The following SLC7A9 variants were observed in gnomAD, a reference collection of about 807,000 sequenced individuals.
SLC7A9 encodes solute carrier family 7 member 9.
SLC7A9 carries 38 observed loss-of-function variants against 54.1 expected under a neutral mutation model. The observed-to-expected ratio is 0.70, with a 90% confidence interval of 0.54 to 0.92. The LOEUF (loss-of-function observed/expected upper bound fraction) is 0.92, where lower values mean the gene tolerates loss of function less well. Among genes scored for constraint, SLC7A9 ranks in the 40% least tolerant of loss-of-function variants. SLC7A9 has a pLI of 0.00. For synonymous variants in SLC7A9, 264 were observed against 258.9 expected, an observed-to-expected ratio of 1.02 and a Z score of -0.19; for missense variants, 537 against 636.1, an observed-to-expected ratio of 0.84 and a Z score of 1.68.
intron 9 of SLC7A9, 81 bp from the exon 10 acceptor site, chr19:32,844,032 T>A: frequency 3.7e-6 from 4 of 1,085,564 alleles, no homozygotes; most frequent in Non-Finnish European, 5.6e-6. Context: ...TGCTCCGGGG[T>A]CCACCAAGGA....
In SLC7A9 at chr19:32,868,451, C is replaced by G. The variant is rs769969466; in HGVS notation, c.84G>C (p.Lys28Asn). ...GCCCCACCAGAGACCGCCTTACCTC[C>G]TTTTGGAGACTGGTGGTCTTAGGCT... is the stretch of plus-strand genomic sequence containing the variant. ...SQEPKTTSLQ[K>N]ELGLISGISI... The change falls in exon 2 of 13, where the codon AAG becomes AAC. Residue 28 changes from lysine (K) to asparagine (N), a missense_variant. Lys to Asn is a moderately conservative substitution (Grantham distance 94). Transcript: ENST00000023064. 4 of 1,613,720 alleles carry G rather than the reference C, an allele frequency of 2.5e-6. No homozygotes were observed. In the African/African-American group the frequency reaches 4.0e-5, roughly 16 times the overall value.
chr19:32,869,237 T>TA (rs931066504), intron 1 of SLC7A9, among the ~76,000 whole-genome samples: 4 of 151,618 alleles, frequency 2.6e-5, no homozygotes, highest in South Asian at 2.1e-4. Flanking sequence ...AATATATATA[T>TA]AAAAAATTAA....
At chr19:32,836,837 A>G (rs1023714943) in intron 11 of SLC7A9, among the ~76,000 whole-genome samples, 4 of 152,208 alleles carry the variant, frequency 2.6e-5, no homozygotes, top group South Asian at 2.1e-4. Context: ...TTTAGCCTTT[A>G]GCATGGCCTG....
At chr19:32,836,106 G>T (rs183821411) in intron 11 of SLC7A9, among the ~76,000 whole-genome samples, 22 of 151,966 alleles carry the variant, frequency 1.4e-4, no homozygotes, top group Non-Finnish European at 3.1e-4. Context: ...GTAGAGACAG[G>T]GTTTCACCAT....
intron 4 of SLC7A9, 109 bp from the exon 5 acceptor site, chr19:32,862,695 T>G: frequency 6.3e-6 from 6 of 955,730 alleles, no homozygotes; most frequent in Non-Finnish European, 7.1e-6. Flanking sequence ...AGATGGAGTC[T>G]CACTCTGTCA....
chr19:32,858,529 A>G lies in SLC7A9; in HGVS notation c.888T>C (p.Arg296=). The part of the protein sequence containing the change: ...SQAVAVTFGD[R]VLYPASWIVP... Reference sequence around the variant, plus strand: ...CGATCCAAGAAGCAGGATAGAGAACACGGTCACCAAATGTCTGGTGAGAGA... The same window carrying G: ...CGATCCAAGAAGCAGGATAGAGAACGCGGTCACCAAATGTCTGGTGAGAGA... Residue 296 remains arginine (R), a synonymous_variant, in exon 9 of 13, where the codon CGT becomes CGC. Transcript: ENST00000023064. The G allele has an allele frequency of 6.2e-7, 1 of 1,612,522 alleles. No homozygotes were observed. Among genetic ancestry groups the G allele is most frequent in the Non-Finnish European group, 8.5e-7 (1 of 1,179,474 alleles).
At chr19:32,852,205 A>T (rs1409671989) in intron 9 of SLC7A9, among the ~76,000 whole-genome samples, 1 of 152,088 alleles carries the variant, frequency 6.6e-6, no homozygotes, top group Non-Finnish European at 1.5e-5. Context: ...AAGAATTGAT[A>T]TCAGGCCAGC....
intron 9 of SLC7A9, among the ~76,000 whole-genome samples, chr19:32,846,918 G>T (rs1022897954): frequency 4.6e-5 from 7 of 152,266 alleles, no homozygotes; most frequent in Admixed American, 4.6e-4. Context: ...TGACACCCAG[G>T]CAAAAAGGGT....
intron 2 of SLC7A9, among the ~76,000 whole-genome samples, chr19:32,866,485 C>T (rs572071960): frequency 2.6e-5 from 4 of 152,250 alleles, no homozygotes; most frequent in South Asian, 2.1e-4. Flanking sequence ...AGTGCAATGG[C>T]GCGATCATGA....
intron 10 of SLC7A9, among the ~76,000 whole-genome samples, chr19:32,842,908 C>T (rs983451199): frequency 2.6e-5 from 4 of 152,132 alleles, no homozygotes; most frequent in Admixed American, 2.0e-4. Context: ...ATTTTCCACA[C>T]AGAGAGTTTT....
chr19:32,859,183 T>G (rs1296141689), intron 8 of SLC7A9, among the ~76,000 whole-genome samples: 1 of 152,086 alleles, frequency 6.6e-6, no homozygotes, highest in Non-Finnish European at 1.5e-5. Context: ...CACTGTAGCC[T>G]CAATCTCCTG....
rs144616352 is a variant in SLC7A9, at chr19:32,830,638, C to T, written c.1446G>A (p.Pro482=). 63 of 1,613,924 alleles carry T rather than the reference C, an allele frequency of 3.9e-5. No homozygotes were observed. The highest frequency in any genetic ancestry group is 2.2e-4 in the East Asian group (10 of 44,882). Residue 482 remains proline (P), a synonymous_variant, in exon 13 of 13, where the codon CCG becomes CCA. Coordinates refer to ENST00000023064, the MANE Select transcript of SLC7A9 (RefSeq NM_014270.5). The stretch of plus-strand genomic sequence containing the variant: ...GAGCTTGTTACTCAGGGTCTTCCTC[C>T]GGTGGGACCACTTCCATTAGCATCT... ...HLQMLMEVVP[P]EEDPE
rs1330338740 is a variant in SLC7A9 at position 32,830,558 on chromosome 19, T to C, written c.*62A>G. 7.8e-7 allele frequency: 1 copy of C among 1,276,714 alleles called. No individual in the cohort carries two copies. Among genetic ancestry groups the C allele is most frequent in the Non-Finnish European group, 1.1e-6 (1 of 873,318 alleles). 79.1% of individuals were successfully genotyped at this position (1,276,714 alleles called of 1,614,324 possible). On this transcript the variant is annotated 3_prime_UTR_variant, in exon 13 of 13. Coordinates refer to ENST00000023064, the MANE Select transcript of SLC7A9 (RefSeq NM_014270.5). ...TATTCGTAAGAAAAAAAGGAAGAAATAACCACAAATATTGCTTAAGAAAAT... is the reference window on the plus strand; with the variant it reads ...TATTCGTAAGAAAAAAAGGAAGAAACAACCACAAATATTGCTTAAGAAAAT...
At position 32,845,773 on chromosome 19, in the gene SLC7A9, C is replaced by T. The variant is rs112144940; in HGVS notation, c.978-1822G>A. Among the ~76,000 whole-genome samples, 34 of 152,268 alleles carry T rather than the reference C, an allele frequency of 2.2e-4. 1 individual carries two copies. Among genetic ancestry groups the T allele is most frequent in the African/African-American group, 7.7e-4 (32 of 41,566 alleles). ...CTGTAATCCCAGGACTTCGGGAGGC[C>T]GAGGCGGGTGGATCACTTGAGGTCA... On this transcript the variant is annotated intron_variant, in intron 9 of 12. Coordinates refer to ENST00000023064, the MANE Select transcript of SLC7A9 (RefSeq NM_014270.5).
chr19:32,853,495 C>T (rs1968528203), intron 9 of SLC7A9, among the ~76,000 whole-genome samples: 1 of 129,922 alleles, frequency 7.7e-6, no homozygotes, highest in Non-Finnish European at 1.6e-5. Context: ...CTATCAGAAA[C>T]TAAAAATTAA....
At chr19:32,844,076 G>A in intron 9 of SLC7A9, 125 bp from the exon 10 acceptor site, 1 of 726,994 alleles carries the variant, frequency 1.4e-6, no homozygotes, top group East Asian at 2.7e-5. Context: ...AGCTGAGCAG[G>A]GACCTGAGCT....
At position 32,854,952 on chromosome 19, in the gene SLC7A9, G is replaced by GTA. The variant is rs146662423; in HGVS notation, c.977+3486_977+3487dup. ...TACCTGCACTCCTATGTACCTCTGG[G>GTA]TATATATTTGAATGAATTGAAATCC... is the stretch of plus-strand genomic sequence containing the variant. On this transcript the variant is annotated intron_variant, in intron 9 of 12. Transcript: ENST00000023064. Among the ~76,000 whole-genome samples, 1,295 of 152,168 alleles carry GTA rather than the reference G, an allele frequency of 8.5e-3. 18 individuals are homozygous for GTA. The highest frequency in any genetic ancestry group is 0.03 in the African/African-American group (1,256 of 41,504).
intron 9 of SLC7A9, among the ~76,000 whole-genome samples, chr19:32,852,620 TA>T (rs1968501633): frequency 6.6e-6 from 1 of 152,174 alleles, no homozygotes; most frequent in Non-Finnish European, 1.5e-5. Flanking sequence ...CTACATATCT[TA>T]ACTTTGAATT....
At chr19:32,846,482 C>T (rs1481423322) in intron 9 of SLC7A9, among the ~76,000 whole-genome samples, 1 of 152,198 alleles carries the variant, frequency 6.6e-6, no homozygotes, top group Admixed American at 6.5e-5. Context: ...GGGCGCCTGC[C>T]ATTGCCCAGG....
Sources: allele counts gnomAD v4.1 joint callset (sites outside exome capture counted in the v4.1 genomes callset), GRCh38; gene constraint gnomAD v4.1.1; transcripts MANE v1.5; gene names NCBI Gene and HGNC (gene_info 2026-07-23, HGNC 2026-07-21).